CCDC178: variants seen among roughly 807,000 people sequenced by gnomAD.
CCDC178 encodes coiled-coil domain containing 178.
Under a neutral mutation model 117.4 loss-of-function variants are expected in CCDC178, and 126 were observed. That is an observed-to-expected ratio of 1.07 (90% CI 0.93 to 1.24). CCDC178 has a LOEUF of 1.24. Ranked by LOEUF, CCDC178 falls within the 50% of genes most tolerant of loss-of-function variation. CCDC178 has a pLI of 0.00. For synonymous variants in CCDC178, 283 were observed against 313.4 expected, an observed-to-expected ratio of 0.90 and a Z score of 1.02; for missense variants, 1,030 against 986.9, an observed-to-expected ratio of 1.04 and a Z score of -0.59.
intron 22 of CCDC178, among the ~76,000 whole-genome samples, chr18:32,959,950 T>C (rs561405302): frequency 1.3e-5 from 2 of 152,204 alleles, no homozygotes; most frequent in Admixed American, 1.3e-4. Context: ...TTTATGTCTT[T>C]CCAATAAAAG....
intron 3 of CCDC178, among the ~76,000 whole-genome samples, chr18:33,408,281 C>T (rs1240457415): frequency 6.6e-6 from 1 of 151,842 alleles, no homozygotes; most frequent in Non-Finnish European, 1.5e-5. Flanking sequence ...AAAAGTCTCA[C>T]TTTAAAAATC....
intron 21 of CCDC178, among the ~76,000 whole-genome samples, chr18:32,993,542 C>A (rs141919139): frequency 1.2e-3 from 184 of 152,360 alleles, no homozygotes; most frequent in Non-Finnish European, 2.3e-3. Flanking sequence ...ACACCACTGG[C>A]TCACCATTAA....
intron 21 of CCDC178, among the ~76,000 whole-genome samples, chr18:33,074,285 C>T (rs1239697410): frequency 6.6e-6 from 1 of 151,946 alleles, no homozygotes; most frequent in Non-Finnish European, 1.5e-5. Context: ...AAACTGAACA[C>T]AGATTAAGAA....
chr18:33,005,861 C>A (rs1202635626), intron 21 of CCDC178, among the ~76,000 whole-genome samples: 8 of 151,996 alleles, frequency 5.3e-5, no homozygotes, highest in African/African-American at 1.7e-4. Flanking sequence ...TAGTGAAAAC[C>A]TGAAATAAGT....
In CCDC178 at chr18:32,937,515, G is replaced by T. The variant is rs1280254832; in HGVS notation, c.*496C>A. 2 of 153,450 alleles carry T rather than the reference G, an allele frequency of 1.3e-5. No individual in the cohort carries two copies. The highest frequency in any genetic ancestry group is 2.9e-5 in the Non-Finnish European group (2 of 68,796). The allele number at this position is 153,450 out of a possible 1,614,324, so 9.5% of individuals were successfully genotyped here. On this transcript the variant is annotated 3_prime_UTR_variant, in exon 23 of 23. Transcript: ENST00000383096. ...CATTGAGGAGTGATTGAGAGAGACA[G>T]CTCTCAGTGAGCTAAAAAAGACTGG...
chr18:33,052,797 T>A (rs746071738), intron 21 of CCDC178, among the ~76,000 whole-genome samples: 64 of 152,178 alleles, frequency 4.2e-4, no homozygotes, highest in South Asian at 1.4e-3. Flanking sequence ...TTTAAAAAAA[T>A]TTTTTTTAAC....
intron 5 of CCDC178, among the ~76,000 whole-genome samples, chr18:33,379,149 TAA>T (rs1491447082): frequency 1.9e-5 from 2 of 104,590 alleles, no homozygotes; most frequent in African/African-American, 6.4e-5. Flanking sequence ...CATATATATA[TAA>T]TATATATATT....
intron 21 of CCDC178, among the ~76,000 whole-genome samples, chr18:33,065,278 C>T (rs2625018): frequency 0.14 from 21,649 of 151,962 alleles, 2,389 homozygotes; most frequent in African/African-American, 0.31. Context: ...GATAAAGGCA[C>T]GAGGTGATGG....
chr18:33,219,705 C>G (rs1007449286), intron 18 of CCDC178, among the ~76,000 whole-genome samples: 2 of 151,854 alleles, frequency 1.3e-5, no homozygotes, highest in Non-Finnish European at 2.9e-5. Context: ...TGTTCTCACT[C>G]ATAGGTGGGA....
At chr18:33,140,261 T>A (rs1014719209) in intron 20 of CCDC178, among the ~76,000 whole-genome samples, 2 of 151,848 alleles carry the variant, frequency 1.3e-5, no homozygotes, top group African/African-American at 4.8e-5. Context: ...CCACAATGAG[T>A]CCCTACTGGG....
intron 22 of CCDC178, chr18:32,957,890 T>C (rs553909512): frequency 5.7e-6 from 1 of 174,816 alleles, no homozygotes; most frequent in Non-Finnish European, 1.2e-5. Flanking sequence ...AATATAAAGA[T>C]CTTTCAAATA....
At chr18:33,414,922 T>C (rs2063912202) in intron 2 of CCDC178, among the ~76,000 whole-genome samples, 1 of 152,164 alleles carries the variant, frequency 6.6e-6, no homozygotes, top group Non-Finnish European at 1.5e-5. Flanking sequence ...AAAGAAGACA[T>C]TTATGCAGCC....
chr18:33,396,490 T>C (rs2063639017), intron 4 of CCDC178, among the ~76,000 whole-genome samples: 1 of 151,792 alleles, frequency 6.6e-6, no homozygotes, highest in Admixed American at 6.6e-5. Flanking sequence ...TACAAGGAGG[T>C]TTCTAGAAGC....
intron 9 of CCDC178, among the ~76,000 whole-genome samples, chr18:33,345,285 C>T (rs1234694766): frequency 1.3e-5 from 2 of 152,122 alleles, no homozygotes; most frequent in Non-Finnish European, 2.9e-5. Context: ...GGAAGTCAGG[C>T]ATGTTTTCAT....
chr18:33,138,884 T>C (rs78833749), intron 20 of CCDC178, among the ~76,000 whole-genome samples: 2,076 of 152,254 alleles, frequency 0.014, 50 homozygotes, highest in African/African-American at 0.047. Flanking sequence ...CAATAGGAGA[T>C]ACTGAAAACT....
intron 20 of CCDC178, among the ~76,000 whole-genome samples, chr18:33,141,362 A>C (rs2058202365): frequency 6.6e-6 from 1 of 152,158 alleles, no homozygotes; most frequent in African/African-American, 2.4e-5. Context: ...CATGGTAAAA[A>C]TGTATCTCTG....
intron 5 of CCDC178, among the ~76,000 whole-genome samples, chr18:33,387,866 C>T (rs1371774587): frequency 1.3e-5 from 2 of 152,124 alleles, no homozygotes; most frequent in Non-Finnish European, 2.9e-5. Context: ...CAAATGAGAT[C>T]TAATTAAACT....
chr18:33,393,673 T>C (rs528068679), intron 4 of CCDC178, among the ~76,000 whole-genome samples: 3 of 152,212 alleles, frequency 2.0e-5, no homozygotes, highest in African/African-American at 7.2e-5. Context: ...AGCTCATTCT[T>C]TTTCACTGGT....
intron 10 of CCDC178, among the ~76,000 whole-genome samples, chr18:33,331,889 T>A (rs978521688): frequency 1.3e-5 from 2 of 152,166 alleles, no homozygotes; most frequent in African/African-American, 4.8e-5. Context: ...CTAGGAAAAA[T>A]TCACATGCAG....
Sources: allele counts gnomAD v4.1 joint callset (sites outside exome capture counted in the v4.1 genomes callset), GRCh38; gene constraint gnomAD v4.1.1; transcripts MANE v1.5; gene names NCBI Gene and HGNC (gene_info 2026-07-23, HGNC 2026-07-21).